PPP1R3F: variants seen among roughly 807,000 people sequenced by gnomAD.
PPP1R3F encodes the protein protein phosphatase 1, regulatory (inhibitor) subunit 3F.
In PPP1R3F, 29 loss-of-function variants were observed where a neutral mutation model predicts 24.2. That is an observed-to-expected ratio of 1.20 (90% CI 0.89 to 1.63). The LOEUF is 1.63. Ranked by LOEUF, PPP1R3F falls within the 40% of genes most tolerant of loss-of-function variation. The probability of loss-of-function intolerance (pLI) is 0.00; values close to 1 mark genes in which losing one functional copy is unlikely to be tolerated. For synonymous variants in PPP1R3F, 363 were observed against 340.1 expected (o/e 1.07, Z -0.74); for missense variants, 823 against 729.3 (o/e 1.13, Z -1.48).
intron 3 of PPP1R3F, among the ~76,000 whole-genome samples, chrX:49,295,093 C>T (rs1676503233): frequency 9.1e-6 from 1 of 110,226 alleles, no homozygotes; most frequent in South Asian, 3.8e-4. Context: ...GGTTCAGTTA[C>T]TTTCGAATGT....
rs1212168690 is a variant in PPP1R3F, at chrX:49,269,851, T to TGCCGCCGCC, written c.-11_-3dup. On this transcript the variant is annotated 5_prime_UTR_variant, in exon 1 of 4. Coordinates refer to ENST00000055335, the MANE Select transcript of PPP1R3F (RefSeq NM_033215.5). ...CCGGTCCCGCCGCCGGTGCCGTCGGTGCCGCCGCCGCCGCCGATATGGCGC... is the reference window on the plus strand; with the variant it reads ...CCGGTCCCGCCGCCGGTGCCGTCGGTGCCGCCGCCGCCGCCGCCGCCGCCGATATGGCGC... The TGCCGCCGCC allele has an allele frequency of 1.1e-6, 1 of 876,115 alleles. No individual in the cohort carries two copies. The highest frequency in any genetic ancestry group is 1.4e-6 in the Non-Finnish European group (1 of 714,704). 72.2% of individuals were successfully genotyped at this position (876,115 alleles called of 1,213,427 possible).
chrX:49,281,448 C>CA lies in PPP1R3F; in HGVS notation c.1048dup (p.Thr350AsnfsTer9), dbSNP rs782628557. On this transcript the variant is annotated frameshift_variant, in exon 2 of 4. Transcript: ENST00000055335. LOFTEE classifies it high-confidence loss of function. The stretch of plus-strand genomic sequence containing the variant: ...TGAAGACGAAGAACATGGATGATAA[C>CA]ACCTTTGCCATGGGTAAGCAATTGG... The CA allele has an allele frequency of 5.0e-6, 6 of 1,204,620 alleles. No homozygotes were observed. The highest frequency in any genetic ancestry group is 6.7e-6 in the Non-Finnish European group (6 of 890,823).
chrX:49,270,910 C>T, intron 1 of PPP1R3F, 37 bp downstream of exon 1: 1 of 1,135,253 alleles, frequency 8.8e-7, no homozygotes, highest in Non-Finnish European at 1.2e-6. Context: ...CAACGCAGGG[C>T]TGTGTCTGGG....
intron 1 of PPP1R3F, among the ~76,000 whole-genome samples, chrX:49,280,323 A>G (rs1348633158): frequency 4.5e-5 from 5 of 111,425 alleles, no homozygotes; most frequent in African/African-American, 1.6e-4. Flanking sequence ...ATTTCGGCTC[A>G]CTGCAATCTC....
intron 1 of PPP1R3F, 147 bp downstream of exon 1, chrX:49,271,020 A>C: frequency 7.2e-6 from 4 of 558,315 alleles, no homozygotes; most frequent in Non-Finnish European, 1.1e-5. Flanking sequence ...GATGGAGGTC[A>C]AACACGTGCT....
chrX:49,286,994 G>T lies in PPP1R3F; in HGVS notation c.2304G>T (p.Gly768=). The part of the protein sequence containing the change: ...QLRGPLTQTL[G]VLAGLVVVPV... ...GGGGGCCCTTGACCCAGACTCTGGG[G>T]GTCCTGGCCGGGCTAGTGGTGGTCC... The change falls in exon 4 of 4, where the codon GGG becomes GGT. Residue 768 remains glycine (G), a synonymous_variant. Coordinates refer to ENST00000055335, the MANE Select transcript of PPP1R3F (RefSeq NM_033215.5). 8.3e-7 allele frequency: 1 copy of T among 1,211,754 alleles called. No individual in the cohort carries two copies.
chrX:49,274,898 T>C (rs782342931), intron 1 of PPP1R3F: 1 of 111,383 alleles, frequency 9.0e-6, no homozygotes, highest in Admixed American at 9.6e-5. Context: ...GAGGAGTCCC[T>C]TCTTGCTCAG....
intron 3 of PPP1R3F, among the ~76,000 whole-genome samples, chrX:49,295,286 GGT>G (rs1304351389): frequency 9.0e-6 from 1 of 110,987 alleles, no homozygotes; most frequent in East Asian, 2.8e-4. Flanking sequence ...TGGGACTATA[GGT>G]GTGTGTCACC....
chrX:49,281,775 T>C (rs1286233139), intron 2 of PPP1R3F, among the ~76,000 whole-genome samples: 1 of 109,375 alleles, frequency 9.1e-6, no homozygotes, highest in Admixed American at 9.7e-5. Context: ...CTGCAGTGAG[T>C]CATGATTGTG....
At chrX:49,273,799 C>T (rs180720502) in intron 1 of PPP1R3F, 4 of 112,543 alleles carry the variant, frequency 3.6e-5, no homozygotes, top group African/African-American at 9.7e-5. Flanking sequence ...AGCACAGCCA[C>T]ATCAGGTGAG....
chrX:49,291,224 C>A (rs782663803), downstream of PPP1R3F, among the ~76,000 whole-genome samples: 1 of 108,466 alleles, frequency 9.2e-6, no homozygotes, highest in South Asian at 4.1e-4. Context: ...TCAGCTCAAG[C>A]AATCCACCTG....
intron 3 of PPP1R3F, among the ~76,000 whole-genome samples, chrX:49,294,391 T>G (rs2066317189): frequency 9.3e-6 from 1 of 108,022 alleles, no homozygotes. Flanking sequence ...CCAGCTAAAT[T>G]TTGTATTTTT....
At chrX:49,294,851 G>C (rs782045257) in intron 3 of PPP1R3F, among the ~76,000 whole-genome samples, 2 of 105,979 alleles carry the variant, frequency 1.9e-5, no homozygotes, top group Admixed American at 1.0e-4. Flanking sequence ...GGAGCTTGCA[G>C]TGAGCTAAGA....
chrX:49,278,560 C>T (rs2066228198), intron 1 of PPP1R3F, among the ~76,000 whole-genome samples: 1 of 111,928 alleles, frequency 8.9e-6, no homozygotes, highest in African/African-American at 3.3e-5. Flanking sequence ...AGTCACCCAC[C>T]CTAGGCCCTG....
At chrX:49,288,660 C>T (rs1260613559), downstream of PPP1R3F, among the ~76,000 whole-genome samples, 2 of 112,106 alleles carry the variant, frequency 1.8e-5, no homozygotes, top group Admixed American at 1.9e-4. Flanking sequence ...CGTGTAGACA[C>T]AGAACTGGTG....
Position 49,278,500 on chromosome X carries a change from ATC to A in PPP1R3F, c.1005-2900_1005-2899del, listed in dbSNP as rs782533205. 2.0e-4 allele frequency among the ~76,000 whole-genome samples: 22 copies of A among 112,046 alleles called. No individual in the cohort carries two copies. The East Asian group carries it at 6.2e-3, about 31-fold the overall frequency. On this transcript the variant is annotated intron_variant, in intron 1 of 3. Transcript: ENST00000055335. ...GTGAGACCAAGCTGGTTTGCTCTGAATCTCTCTTTCTCATCTGTGATGTGTGG... is the reference window on the plus strand; with the variant it reads ...GTGAGACCAAGCTGGTTTGCTCTGAATCTCTTTCTCATCTGTGATGTGTGG...
Position 49,285,927 on chromosome X carries a change from C to T in PPP1R3F, c.1237C>T (p.Pro413Ser). The part of the protein sequence containing the change: ...PVAFTEVLQA[P>S]AIRIPPSSPL... Reference sequence around the variant, plus strand: ...GGCTTTTACAGAGGTCCTCCAGGCACCGGCCATCAGGATTCCCCCCTCCTC... The same window carrying T: ...GGCTTTTACAGAGGTCCTCCAGGCATCGGCCATCAGGATTCCCCCCTCCTC... Residue 413 changes from proline to serine, a missense_variant, in exon 4 of 4, where the codon CCG becomes TCG. Physicochemically the swap from Pro to Ser is moderately conservative, Grantham distance 74 (BLOSUM62 -1). Coordinates refer to ENST00000055335, the MANE Select transcript of PPP1R3F (RefSeq NM_033215.5). 2 of 1,208,917 alleles carry T rather than the reference C, an allele frequency of 1.7e-6. No homozygotes were observed. The highest frequency in any genetic ancestry group is 2.2e-6 in the Non-Finnish European group (2 of 893,684).
Position 49,286,092 on chromosome X carries a change from G to A in PPP1R3F, c.1402G>A (p.Gly468Arg). 2 of 1,173,816 alleles carry A rather than the reference G, an allele frequency of 1.7e-6. No individual in the cohort carries two copies. The highest frequency in any genetic ancestry group is 1.1e-6 in the Non-Finnish European group (1 of 874,247). Reference sequence around the variant, plus strand: ...GGGAGTATCGAGTGAGAATGGAGGGGGGCTGGAGGCTGTGAGTGGGTCAGA... The same window carrying A: ...GGGAGTATCGAGTGAGAATGGAGGGAGGCTGGAGGCTGTGAGTGGGTCAGA... ...TWGVSSENGGGLEAVSGSEEL... is the reference protein window; with the variant it reads ...TWGVSSENGGRLEAVSGSEEL... Residue 468 changes from glycine (G) to arginine (R), a missense_variant, in exon 4 of 4, where the codon GGG (glycine) becomes AGG (arginine). Transcript: ENST00000055335.
In PPP1R3F at chrX:49,287,429, C is replaced by G; in HGVS notation, c.*339C>G. The G allele has an allele frequency of 4.5e-6, 1 of 224,520 alleles. No homozygotes were observed. The allele number at this position is 224,520 out of a possible 1,213,427, so 18.5% of individuals were successfully genotyped here. On this transcript the variant is annotated 3_prime_UTR_variant, in exon 4 of 4. Transcript: ENST00000055335. Reference sequence around the variant, plus strand: ...AGAGATATATTTATTAACAGCCAACCTGTGCAACCTGCTGGAGCTTTATTT... The same window carrying G: ...AGAGATATATTTATTAACAGCCAACGTGTGCAACCTGCTGGAGCTTTATTT...
Sources: allele counts gnomAD v4.1 joint callset (sites outside exome capture counted in the v4.1 genomes callset), GRCh38; gene constraint gnomAD v4.1.1; transcripts MANE v1.5; gene names NCBI Gene and HGNC (gene_info 2026-07-23, HGNC 2026-07-21).